POFUT2: variants seen among roughly 807,000 people sequenced by gnomAD.
POFUT2 encodes the protein protein O-fucosyltransferase 2.
In POFUT2, 30 loss-of-function variants were observed where a neutral mutation model predicts 55.0. That is an observed-to-expected ratio of 0.55 (90% CI 0.41 to 0.74). POFUT2 has a LOEUF of 0.74. Ranked by LOEUF, POFUT2 falls within the 30% of genes least tolerant of loss-of-function variation. The pLI, the probability that POFUT2 is intolerant of heterozygous loss-of-function variation, is 0.00. For synonymous variants in POFUT2, 267 were observed against 231.1 expected, an observed-to-expected ratio of 1.16 and a Z score of -1.41; for missense variants, 524 against 562.6, an observed-to-expected ratio of 0.93 and a Z score of 0.69.
rs1297670277 is a variant in POFUT2, at chr21:45,282,741, C to A, written c.528-282G>T. On this transcript the variant is annotated intron_variant, in intron 3 of 8. Transcript: ENST00000349485. This position sits in a 1 kb window ranked among gnomAD's most constrained non-coding sequence, Gnocchi z 4.6. The stretch of plus-strand genomic sequence containing the variant: ...AGCCGGACAGAGGCAGCCCTGTGCA[C>A]CTTCAGGGCCAGCCTGGCTGTGACC... 2 of 538,238 alleles carry A rather than the reference C, an allele frequency of 3.7e-6. No individual in the cohort carries two copies. Among genetic ancestry groups the A allele is most frequent in the East Asian group, 4.6e-5 (1 of 21,680 alleles). 33.3% of individuals were successfully genotyped at this position (538,238 alleles called of 1,614,324 possible).
intron 8 of POFUT2, chr21:45,266,407 C>G: frequency 8.3e-7 from 1 of 1,200,556 alleles, no homozygotes; most frequent in Non-Finnish European, 1.1e-6. Flanking sequence ...GCCGCGCCGG[C>G]CCGGAGGCAG....
intron 6 of POFUT2, among the ~76,000 whole-genome samples, chr21:45,274,136 T>C (rs1224151209): frequency 1.3e-5 from 2 of 152,136 alleles, no homozygotes; most frequent in African/African-American, 4.8e-5. Flanking sequence ...ACAAAATCAA[T>C]GTACACAACT....
At chr21:45,286,060 T>A in intron 1 of POFUT2, 132 bp from the exon 2 acceptor site, 1 of 731,328 alleles carries the variant, frequency 1.4e-6, no homozygotes, top group Non-Finnish European at 2.3e-6. Flanking sequence ...GTGAAGGCAG[T>A]GAGTGGCCTG....
chr21:45,284,332 C>T lies in POFUT2; in HGVS notation c.383-805G>A, dbSNP rs1397266500. Among the ~76,000 whole-genome samples, 5 of 152,182 alleles carry T rather than the reference C, an allele frequency of 3.3e-5. No individual in the cohort carries two copies. The highest frequency in any genetic ancestry group is 7.4e-5 in the Non-Finnish European group (5 of 68,022). On this transcript the variant is annotated intron_variant, in intron 2 of 8. Coordinates refer to ENST00000349485, the MANE Select transcript of POFUT2 (RefSeq NM_133635.6). This position sits in a 1 kb window ranked among gnomAD's most constrained non-coding sequence, Gnocchi z 5.8. ...GGCTAAGGGCTGCGTGGCCTAAGGGCCTGAGGCCACAGCTGCGGGGGCTTC... is the reference window on the plus strand; with the variant it reads ...GGCTAAGGGCTGCGTGGCCTAAGGGTCTGAGGCCACAGCTGCGGGGGCTTC...
Position 45,285,916 on chromosome 21 carries a change from A to G in POFUT2, c.144T>C (p.Tyr48=). Residue 48 remains tyrosine, a synonymous_variant, in exon 2 of 9, where the codon TAT becomes TAC. Coordinates refer to ENST00000349485, the MANE Select transcript of POFUT2 (RefSeq NM_133635.6). The surrounding 1 kb of genome is among the most constrained non-coding windows in gnomAD (Gnocchi z 4.9). The part of the protein sequence containing the change: ...GAASRRRYLL[Y]DVNPPEGFNL... ...TGAAGCCTTCCGGGGGGTTGACGTC[A>G]TACAGAAGATACCTGAGCAGGGAGA... The G allele has an allele frequency of 6.2e-7, 1 of 1,607,354 alleles. No individual in the cohort carries two copies. The highest frequency in any genetic ancestry group is 8.5e-7 in the Non-Finnish European group (1 of 1,176,814).
intron 6 of POFUT2, among the ~76,000 whole-genome samples, chr21:45,274,179 G>A (rs954284995): frequency 6.6e-6 from 1 of 152,086 alleles, no homozygotes; most frequent in African/African-American, 2.4e-5. Context: ...CAACAACCAA[G>A]CTGAGAATCA....
In POFUT2 at chr21:45,264,517, T is replaced by G. The variant is rs1429335129; in HGVS notation, c.*965A>C. ...TTTCTGTAAAATGGGTACAAGGAGC[T>G]CCCTGATAAAGCAGCTCATCCTAGA... On this transcript the variant is annotated 3_prime_UTR_variant, in exon 9 of 9. Transcript: ENST00000349485. 6.6e-6 allele frequency: 1 copy of G among 152,170 alleles called. No homozygotes were observed. Among genetic ancestry groups the G allele is most frequent in the Non-Finnish European group, 1.5e-5 (1 of 68,058 alleles). 9.4% of individuals were successfully genotyped at this position (152,170 alleles called of 1,614,324 possible).
In POFUT2 at chr21:45,282,632, A is replaced by G. The variant is rs2030825874; in HGVS notation, c.528-173T>C. Among the ~76,000 whole-genome samples, 1 of 152,244 alleles carries G rather than the reference A, an allele frequency of 6.6e-6. No individual in the cohort carries two copies. The highest frequency in any genetic ancestry group is 2.1e-4 in the South Asian group (1 of 4,826). On this transcript the variant is annotated intron_variant, in intron 3 of 8. Transcript: ENST00000349485. This position sits in a 1 kb window ranked among gnomAD's most constrained non-coding sequence, Gnocchi z 4.6. ...GACATTCTAGTAAAATTTTAAAAGA[A>G]GCCCATGAGTGTCTCTCAGGCTGAT...
At chr21:45,273,211 G>A (rs1389623233) in intron 6 of POFUT2, among the ~76,000 whole-genome samples, 1 of 152,108 alleles carries the variant, frequency 6.6e-6, no homozygotes, top group African/African-American at 2.4e-5. Flanking sequence ...AGATATTACA[G>A]TCGATACCAT....
intron 6 of POFUT2, among the ~76,000 whole-genome samples, chr21:45,275,272 T>C (rs1433387879): frequency 6.6e-6 from 1 of 152,132 alleles, no homozygotes; most frequent in Admixed American, 6.6e-5. Context: ...CCAAAAATAA[T>C]GGATGTCGGC....
At chr21:45,283,225 C>T (rs1476508680) in intron 3 of POFUT2, 158 bp downstream of exon 3, 11 of 421,366 alleles carry the variant, frequency 2.6e-5, no homozygotes, top group East Asian at 4.7e-5. Context: ...GTGAAGACAC[C>T]GTGGCGGGGG....
At position 45,281,947 on chromosome 21, in the gene POFUT2, C is replaced by T. The variant is rs775480206; in HGVS notation, c.638+402G>A. Among the ~76,000 whole-genome samples, 8 of 152,094 alleles carry T rather than the reference C, an allele frequency of 5.3e-5. No homozygotes were observed. Among genetic ancestry groups the T allele is most frequent in the East Asian group, 1.9e-4 (1 of 5,178 alleles). On this transcript the variant is annotated intron_variant, in intron 4 of 8. Transcript: ENST00000349485. This position sits in a 1 kb window ranked among gnomAD's most constrained non-coding sequence, Gnocchi z 5.0. ...AGGTGGCTGCATGATCCTCCCCAGA[C>T]CCGTGAGGCAGAAAACAGATCAAAC...
intron 3 of POFUT2, 89 bp downstream of exon 3, chr21:45,283,294 G>C (rs2030943502): frequency 3.2e-6 from 2 of 619,444 alleles, no homozygotes; most frequent in Non-Finnish European, 5.2e-6. Context: ...GGAGTGGGCG[G>C]GGGGCGCCTG....
rs1327527836 is a variant in POFUT2 at position 45,264,375 on chromosome 21, G to C, written c.*1107C>G. On this transcript the variant is annotated 3_prime_UTR_variant, in exon 9 of 9. Transcript: ENST00000349485. ...GGGTAACGGGCCAAGAGGGTGAGGG[G>C]GGCTCCCTGACCCTGAGGACCCCTG... 1 of 152,288 alleles carries C rather than the reference G, an allele frequency of 6.6e-6. No homozygotes were observed. The highest frequency in any genetic ancestry group is 1.5e-5 in the Non-Finnish European group (1 of 68,114). The allele number at this position is 152,288 out of a possible 1,614,324, so 9.4% of individuals were successfully genotyped here.
Position 45,278,140 on chromosome 21 carries a change from A to AG in POFUT2, c.667dup (p.Leu223ProfsTer118). ...TTTCCCTCCATAGTGGTCGTGAAGT[A>AG]GGTTCTCGGCTCTGTCTAACATCAC... On this transcript the variant is annotated frameshift_variant, in exon 5 of 9. Coordinates refer to ENST00000349485, the MANE Select transcript of POFUT2 (RefSeq NM_133635.6). LOFTEE classifies it high-confidence loss of function. 1 of 1,613,894 alleles carries AG rather than the reference A, an allele frequency of 6.2e-7. No individual in the cohort carries two copies. Among genetic ancestry groups the AG allele is most frequent in the South Asian group, 1.1e-5 (1 of 91,084 alleles).
chr21:45,282,236 G>A lies in POFUT2; in HGVS notation c.638+113C>T, dbSNP rs1203947681. 3 of 729,856 alleles carry A rather than the reference G, an allele frequency of 4.1e-6. No individual in the cohort carries two copies. In the African/African-American group the frequency reaches 5.3e-5, roughly 13 times the overall value. 45.2% of individuals were successfully genotyped at this position (729,856 alleles called of 1,614,324 possible). On this transcript the variant is annotated intron_variant, in intron 4 of 8. Coordinates refer to ENST00000349485, the MANE Select transcript of POFUT2 (RefSeq NM_133635.6). The surrounding 1 kb of genome is among the most constrained non-coding windows in gnomAD (Gnocchi z 4.6). ...CCAGGGCCCCCAGGGTCCGCTGTCT[G>A]TGAGGTGGGTGGGCCAGGGATGCGG...
rs1450618139 is a variant in POFUT2, at chr21:45,278,304, G to A, written c.639-135C>T. 1.6e-5 allele frequency: 12 copies of A among 761,504 alleles called. 1 individual carries two copies. Among genetic ancestry groups the A allele is most frequent in the East Asian group, 5.0e-5 (2 of 40,168 alleles). 47.2% of individuals were successfully genotyped at this position (761,504 alleles called of 1,614,324 possible). On this transcript the variant is annotated intron_variant, in intron 4 of 8. Coordinates refer to ENST00000349485, the MANE Select transcript of POFUT2 (RefSeq NM_133635.6). ...GTCTCCGAGGGACACTAACCAGGGCGCGTTGGGTGGTTATGGCTGAGACAC... is the reference window on the plus strand; with the variant it reads ...GTCTCCGAGGGACACTAACCAGGGCACGTTGGGTGGTTATGGCTGAGACAC...
At position 45,267,431 on chromosome 21, in the gene POFUT2, A is replaced by G; in HGVS notation, c.1136+159T>C. The G allele has an allele frequency of 1.9e-6, 3 of 1,612,388 alleles. No homozygotes were observed. Among genetic ancestry groups the G allele is most frequent in the Non-Finnish European group, 2.5e-6 (3 of 1,178,616 alleles). On this transcript the variant is annotated intron_variant, in intron 8 of 8. Coordinates refer to ENST00000349485, the MANE Select transcript of POFUT2 (RefSeq NM_133635.6). The surrounding 1 kb of genome is among the most constrained non-coding windows in gnomAD (Gnocchi z 4.4). ...TTAACTTCAGCCCAGGGAAACACTG[A>G]ACCAGATGCTACAGGAGACTCAGAC...
intron 6 of POFUT2, among the ~76,000 whole-genome samples, chr21:45,271,797 C>T (rs2093221536): frequency 6.6e-6 from 1 of 152,194 alleles, no homozygotes; most frequent in African/African-American, 2.4e-5. Flanking sequence ...TCCAGCAAAA[C>T]TAAGCTTCAT....
Sources: allele counts gnomAD v4.1 joint callset (sites outside exome capture counted in the v4.1 genomes callset), GRCh38; gene constraint gnomAD v4.1.1; non-coding constraint Gnocchi (gnomAD v3.1); transcripts MANE v1.5; gene names NCBI Gene and HGNC (gene_info 2026-07-23, HGNC 2026-07-21).